Variants in PPP1R14C observed in about 807,000 individuals in gnomAD.
PPP1R14C encodes protein phosphatase 1 regulatory inhibitor subunit 14C, also known as protein phosphatase 1 regulatory subunit 14C.
Under a neutral mutation model 20.4 loss-of-function variants are expected in PPP1R14C, and 16 were observed. The ratio of observed to expected loss-of-function variants is 0.78; its 90% CI spans 0.53 to 1.19. The LOEUF (loss-of-function observed/expected upper bound fraction) is 1.19. Among genes scored for constraint, PPP1R14C ranks in the 50% most tolerant of loss-of-function variants. The pLI is 0.00. For missense variants in PPP1R14C, 211 were observed against 220.1 expected (o/e 0.96, Z 0.26); for synonymous variants, 91 against 91.0 (o/e 1.00, Z 0.00).
intron 1 of PPP1R14C, among the ~76,000 whole-genome samples, chr6:150,165,789 G>A (rs1482153321): frequency 6.6e-6 from 1 of 152,120 alleles, no homozygotes; most frequent in Non-Finnish European, 1.5e-5. Flanking sequence ...CTTTTATGTT[G>A]CTATCAGACT....
At position 150,248,855 on chromosome 6, in the gene PPP1R14C, G is replaced by GA; in HGVS notation, c.*38dup. 1.4e-6 allele frequency: 2 copies of GA among 1,408,342 alleles called. No individual in the cohort carries two copies. Among genetic ancestry groups the GA allele is most frequent in the Non-Finnish European group, 2.0e-6 (2 of 997,474 alleles). 87.2% of individuals were successfully genotyped at this position (1,408,342 alleles called of 1,614,324 possible). ...AGGGTGAAACTCTCCCAGAGACGAA[G>GA]AAAGAGTCCTGGGATTTGTACTTCA... is the stretch of plus-strand genomic sequence containing the variant. On this transcript the variant is annotated 3_prime_UTR_variant, in exon 4 of 4. Transcript: ENST00000361131.
intron 1 of PPP1R14C, among the ~76,000 whole-genome samples, chr6:150,208,175 C>T (rs1399702674): frequency 1.3e-5 from 2 of 152,126 alleles, no homozygotes; most frequent in African/African-American, 2.4e-5. Context: ...CCAAATTCAC[C>T]CTGAGTTTCG....
chr6:150,204,647 C>G (rs527904712), intron 1 of PPP1R14C, among the ~76,000 whole-genome samples: 5 of 152,296 alleles, frequency 3.3e-5, no homozygotes, highest in African/African-American at 1.2e-4. Context: ...AGCTAGCAGT[C>G]CCCATTTTAC....
At position 150,248,736 on chromosome 6, in the gene PPP1R14C, T is replaced by A; in HGVS notation, c.424-10T>A. ...TGACCCTCATATTAACTTCTTCTGA[T>A]CTCTTTTAGGAATTTATCAAAGAGC... On this transcript the variant is annotated splice_polypyrimidine_tract_variant and intron_variant, in intron 3 of 3. Coordinates refer to ENST00000361131, the MANE Select transcript of PPP1R14C (RefSeq NM_030949.3). 1 of 1,592,140 alleles carries A rather than the reference T, an allele frequency of 6.3e-7. No individual in the cohort carries two copies. The highest frequency in any genetic ancestry group is 8.6e-7 in the Non-Finnish European group (1 of 1,161,332).
intron 3 of PPP1R14C, among the ~76,000 whole-genome samples, chr6:150,236,751 T>C (rs1562277003): frequency 6.6e-6 from 1 of 152,134 alleles, no homozygotes; most frequent in East Asian, 1.9e-4. Flanking sequence ...ATCTCCTTTG[T>C]AGTCCCTTGA....
Position 150,143,519 on chromosome 6 carries a change from G to T in PPP1R14C, c.306+21G>T. 6.5e-6 allele frequency: 9 copies of T among 1,393,798 alleles called. No individual in the cohort carries two copies. Among genetic ancestry groups the T allele is most frequent in the Non-Finnish European group, 9.0e-6 (9 of 1,004,886 alleles). The allele number at this position is 1,393,798 out of a possible 1,614,324, so 86.3% of individuals were successfully genotyped here. A position where few individuals can be genotyped will look rare whatever the true frequency, so the allele number is the denominator to read the frequency against. ...GCGAGGTACCTGGGCGCGGGGCTGG[G>T]AGGGTCGGGGACCTCTCTAGCTCCT... On this transcript the variant is annotated intron_variant, in intron 1 of 3. Coordinates refer to ENST00000361131, the MANE Select transcript of PPP1R14C (RefSeq NM_030949.3). The surrounding 1 kb of genome is among the most constrained non-coding windows in gnomAD (Gnocchi z 5.6).
At chr6:150,233,402 A>G (rs990473264) in intron 3 of PPP1R14C, among the ~76,000 whole-genome samples, 1 of 152,240 alleles carries the variant, frequency 6.6e-6, no homozygotes, top group Non-Finnish European at 1.5e-5. Flanking sequence ...TTCCTACGGC[A>G]TATTTCTGGT....
intron 1 of PPP1R14C, among the ~76,000 whole-genome samples, chr6:150,165,514 C>T (rs1777413152): frequency 6.6e-6 from 1 of 152,218 alleles, no homozygotes; most frequent in African/African-American, 2.4e-5. Flanking sequence ...ACCATCCAGC[C>T]AGTCATGCAA....
chr6:150,211,500 C>T (rs984924676), intron 1 of PPP1R14C, among the ~76,000 whole-genome samples: 6 of 152,226 alleles, frequency 3.9e-5, no homozygotes, highest in South Asian at 4.1e-4. Flanking sequence ...AGCTCTGGGA[C>T]GTCATGGTGG....
rs113496452 is a variant in PPP1R14C at position 150,162,329 on chromosome 6, A to G, written c.306+18831A>G. On this transcript the variant is annotated intron_variant, in intron 1 of 3. Transcript: ENST00000361131. ...CTGGGCCTCCCAAAGTGCTGGGATT[A>G]TAGGCGTGAGCCACCGTGCCAGGCC... Among the ~76,000 whole-genome samples the G allele has an allele frequency of 3.3e-3, 503 of 152,348 alleles. 2 individuals are homozygous for G. Among genetic ancestry groups the G allele is most frequent in the African/African-American group, 0.011 (474 of 41,584 alleles).
At chr6:150,180,026 A>T (rs1777604438) in intron 1 of PPP1R14C, among the ~76,000 whole-genome samples, 1 of 152,054 alleles carries the variant, frequency 6.6e-6, no homozygotes, top group South Asian at 2.1e-4. Flanking sequence ...ACATGACAAG[A>T]CCCTGTCTCT....
chr6:150,249,846 G>A lies in PPP1R14C; in HGVS notation c.*1026G>A, dbSNP rs141009674. On this transcript the variant is annotated 3_prime_UTR_variant, in exon 4 of 4. Transcript: ENST00000361131. ...TAAACCGAGTGTTAAGTGTCAAGGT[G>A]AGAAAGCCTCACATTCTCTCAAGAC... is the stretch of plus-strand genomic sequence containing the variant. The A allele has an allele frequency of 6.9e-4, 195 of 281,842 alleles. No homozygotes were observed. Among genetic ancestry groups the A allele is most frequent in the African/African-American group, 4.0e-3 (186 of 46,226 alleles). The allele number at this position is 281,842 out of a possible 1,614,324, so 17.5% of individuals were successfully genotyped here. A position where few individuals can be genotyped will look rare whatever the true frequency, so the allele number is the denominator to read the frequency against.
chr6:150,148,082 AT>A (rs1358699035), intron 1 of PPP1R14C, among the ~76,000 whole-genome samples: 2 of 152,172 alleles, frequency 1.3e-5, no homozygotes, highest in Non-Finnish European at 2.9e-5. Context: ...CTGAAAAATG[AT>A]TTTATTTTTC....
chr6:150,170,731 C>G lies in PPP1R14C; in HGVS notation c.306+27233C>G, dbSNP rs141846273. On this transcript the variant is annotated intron_variant, in intron 1 of 3. Coordinates refer to ENST00000361131, the MANE Select transcript of PPP1R14C (RefSeq NM_030949.3). ...AGGGAAATGAGAGAGAAGAGTGATA[C>G]GTGATGAGGTTAGAAGAAACAGAGC... Among the ~76,000 whole-genome samples the G allele has an allele frequency of 2.1e-3, 307 of 148,452 alleles. 1 individual carries two copies. The highest frequency in any genetic ancestry group is 0.014 in the South Asian group (63 of 4,662).
intron 3 of PPP1R14C, among the ~76,000 whole-genome samples, chr6:150,232,500 G>A (rs535017459): frequency 2.6e-5 from 4 of 152,218 alleles, no homozygotes; most frequent in Non-Finnish European, 4.4e-5. Context: ...TTTCGTGACT[G>A]TAAGGTCTTA....
intron 1 of PPP1R14C, among the ~76,000 whole-genome samples, chr6:150,159,087 G>C (rs1245670858): frequency 6.6e-6 from 1 of 152,140 alleles, no homozygotes; most frequent in Non-Finnish European, 1.5e-5. Flanking sequence ...AAAGGTAAAA[G>C]GAAGATTGAA....
chr6:150,160,304 G>A (rs766507239), intron 1 of PPP1R14C, among the ~76,000 whole-genome samples: 60 of 124,878 alleles, frequency 4.8e-4, no homozygotes, highest in African/African-American at 1.4e-3. Flanking sequence ...TTGCTCTGTC[G>A]CCCAGGCTGG....
intron 1 of PPP1R14C, among the ~76,000 whole-genome samples, chr6:150,192,536 G>A (rs1008673143): frequency 1.3e-5 from 2 of 152,110 alleles, no homozygotes; most frequent in African/African-American, 4.8e-5. Context: ...TGTGTGGCCT[G>A]GTCCCAAACA....
chr6:150,243,724 T>C lies in PPP1R14C; in HGVS notation c.424-5022T>C, dbSNP rs563482036. On this transcript the variant is annotated intron_variant, in intron 3 of 3. Transcript: ENST00000361131. ...TTCCATACAAAGATTTGTACATGAA[T>C]GTTTTAAACAACTTTATTTATAATA... Among the ~76,000 whole-genome samples the C allele has an allele frequency of 5.3e-5, 8 of 152,330 alleles. No individual in the cohort carries two copies. In the South Asian group the frequency reaches 1.7e-3, roughly 32 times the overall value.
Sources: gnomAD v4.1 joint callset for allele counts (sites outside exome capture counted in the v4.1 genomes callset) on GRCh38, gnomAD v4.1.1 for gene constraint, Gnocchi (gnomAD v3.1) non-coding constraint, MANE v1.5 for transcripts, NCBI Gene and HGNC (gene_info 2026-07-23, HGNC 2026-07-21) for gene names.